Variants in TFCP2L1 observed in about 807,000 individuals in gnomAD.
The protein encoded by TFCP2L1 is transcription factor CP2-like protein 1.
A neutral mutation model predicts 72.2 loss-of-function variants in TFCP2L1; 12 were observed. That is an observed-to-expected ratio of 0.17 (90% CI 0.11 to 0.27). The LOEUF is 0.27. Among genes scored for constraint, TFCP2L1 ranks in the 10% least tolerant of loss-of-function variants. TFCP2L1 has a pLI of 1.00. For missense variants in TFCP2L1, 488 were observed against 624.6 expected (o/e 0.78, Z 2.33); for synonymous variants, 260 against 251.0 (o/e 1.04, Z -0.34).
chr2:121,260,356 C>T (rs976440962), intron 2 of TFCP2L1, among the ~76,000 whole-genome samples: 8 of 152,212 alleles, frequency 5.3e-5, no homozygotes, highest in Admixed American at 5.2e-4. Context: ...CTCAGCATTT[C>T]ACTCTCAACA....
At position 121,234,138 on chromosome 2, in the gene TFCP2L1, A is replaced by G; in HGVS notation, c.1151T>C (p.Val384Ala). The change falls in exon 12 of 15, where the codon GTG (valine) becomes GCG (alanine). Residue 384 changes from valine to alanine, a missense_variant. Val to Ala is a moderately conservative substitution (Grantham distance 64). Coordinates refer to ENST00000263707, the MANE Select transcript of TFCP2L1 (RefSeq NM_014553.3). ...GCCGTCCCGCTTCTGCTGCAGGGGC[A>G]CTCGATTCTGCTCCAGCTCCTGACA... ...YVCQELEQNR[V>A]PLQQKRDGSG... 6.2e-7 allele frequency: 1 copy of G among 1,614,028 alleles called. No individual in the cohort carries two copies. The highest frequency in any genetic ancestry group is 2.2e-5 in the East Asian group (1 of 44,868).
Position 121,220,042 on chromosome 2 carries a change from G to A in TFCP2L1, c.*4299C>T, listed in dbSNP as rs575150385. On this transcript the variant is annotated 3_prime_UTR_variant, in exon 15 of 15. Coordinates refer to ENST00000263707, the MANE Select transcript of TFCP2L1 (RefSeq NM_014553.3). ...CACTGCTTTCTCACCCCCTCTGAGC[G>A]CCTAGGGACTTTCTCCCTCTGCTCC... 9 of 140,434 alleles carry A rather than the reference G, an allele frequency of 6.4e-5. No homozygotes were observed. The highest frequency in any genetic ancestry group is 4.5e-4 in the South Asian group (2 of 4,458). 8.7% of individuals were successfully genotyped at this position (140,434 alleles called of 1,614,324 possible). A position where few individuals can be genotyped will look rare whatever the true frequency, so the allele number is the denominator to read the frequency against.
At chr2:121,230,544 G>C (rs113650320) in intron 13 of TFCP2L1, among the ~76,000 whole-genome samples, 3,029 of 152,240 alleles carry the variant, frequency 0.02, 111 homozygotes, top group African/African-American at 0.069. Context: ...ACTTTGGAAG[G>C]CCAAGGTGGG....
Position 121,249,570 on chromosome 2 carries a change from C to A in TFCP2L1, c.291+1G>T, listed in dbSNP as rs1408170183. On this transcript the variant is annotated splice_donor_variant, in intron 3 of 14. Transcript: ENST00000263707. LOFTEE classifies it high-confidence loss of function. ...CAATGAGAACAGCCTGTGAGGCTTA[C>A]CTTGACATATTTTGTGTTCAGATCT... is the stretch of plus-strand genomic sequence containing the variant. 1 of 1,614,056 alleles carries A rather than the reference C, an allele frequency of 6.2e-7. No homozygotes were observed. Among genetic ancestry groups the A allele is most frequent in the South Asian group, 1.1e-5 (1 of 91,080 alleles).
Position 121,223,489 on chromosome 2 carries a change from G to A in TFCP2L1, c.*852C>T, listed in dbSNP as rs1419093035. 2.6e-5 allele frequency: 4 copies of A among 152,264 alleles called. No individual in the cohort carries two copies. Among genetic ancestry groups the A allele is most frequent in the African/African-American group, 9.6e-5 (4 of 41,552 alleles). 9.4% of individuals were successfully genotyped at this position (152,264 alleles called of 1,614,324 possible). A position where few individuals can be genotyped will look rare whatever the true frequency, so the allele number is the denominator to read the frequency against. ...GAGGGCCTGGTATTGTGGTGGTCAA[G>A]GTCATCTGATGACACCTAGGAATGG... On this transcript the variant is annotated 3_prime_UTR_variant, in exon 15 of 15. Transcript: ENST00000263707.
At position 121,278,953 on chromosome 2, in the gene TFCP2L1, G is replaced by A. The variant is rs13387851; in HGVS notation, c.214+2167C>T. ...CAGGAGGCAGAGGTTGCAGTGAACC[G>A]AGATCGTGTCATTGCACTCCAGCCT... On this transcript the variant is annotated intron_variant, in intron 2 of 14. Coordinates refer to ENST00000263707, the MANE Select transcript of TFCP2L1 (RefSeq NM_014553.3). Among the ~76,000 whole-genome samples, 1,165 of 152,082 alleles carry A rather than the reference G, an allele frequency of 7.7e-3. 17 individuals are homozygous for A. The highest frequency in any genetic ancestry group is 0.026 in the African/African-American group (1,089 of 41,466).
chr2:121,275,227 A>C (rs1687121451), intron 2 of TFCP2L1, among the ~76,000 whole-genome samples: 1 of 151,950 alleles, frequency 6.6e-6, no homozygotes, highest in South Asian at 2.1e-4. Flanking sequence ...TACTAAAAAT[A>C]CAAACTGTTA....
At chr2:121,237,887 G>A (rs1176642450) in intron 8 of TFCP2L1, 37 bp from the exon 9 acceptor site, 3 of 1,610,860 alleles carry the variant, frequency 1.9e-6, no homozygotes. Context: ...GGACAGAGGG[G>A]GCTCCCAGGG....
At chr2:121,226,665 T>A (rs900143151) in intron 13 of TFCP2L1, among the ~76,000 whole-genome samples, 7 of 152,168 alleles carry the variant, frequency 4.6e-5, no homozygotes, top group Non-Finnish European at 8.8e-5. Flanking sequence ...TTCGATGAAC[T>A]ACCCAGTGAC....
chr2:121,249,580 T>C lies in TFCP2L1; in HGVS notation c.282A>G (p.Lys94=), dbSNP rs1402015276. ...KLGDFQDLNT[K]YVKSIIRVVF... is the part of the protein sequence containing the mutation. ...AGCCTGTGAGGCTTACCTTGACATA[T>C]TTTGTGTTCAGATCTTGAAAGTCTC... The change falls in exon 3 of 15, where the codon AAA becomes AAG. Residue 94 remains lysine, a synonymous_variant. Transcript: ENST00000263707. The C allele has an allele frequency of 1.2e-6, 2 of 1,614,148 alleles. No individual in the cohort carries two copies. Among genetic ancestry groups the C allele is most frequent in the Non-Finnish European group, 1.7e-6 (2 of 1,180,008 alleles).
intron 2 of TFCP2L1, among the ~76,000 whole-genome samples, chr2:121,257,931 A>T (rs1183885526): frequency 3.0e-4 from 46 of 152,198 alleles, no homozygotes; most frequent in Admixed American, 3.0e-3. Context: ...AGCTCTGAGA[A>T]CCGGCCCGCC....
At chr2:121,279,428 G>A (rs1279164055) in intron 2 of TFCP2L1, among the ~76,000 whole-genome samples, 1 of 152,186 alleles carries the variant, frequency 6.6e-6, no homozygotes, top group Non-Finnish European at 1.5e-5. Context: ...CTCCGGGCCT[G>A]AGCAGGAAGC....
chr2:121,231,758 C>A, intron 13 of TFCP2L1, 68 bp downstream of exon 13: 1 of 1,578,200 alleles, frequency 6.3e-7, no homozygotes. Context: ...GTTTCTGGGG[C>A]AGGGGTTCTG....
chr2:121,234,060 G>T lies in TFCP2L1; in HGVS notation c.1198+31C>A. 2.5e-6 allele frequency: 4 copies of T among 1,585,948 alleles called. 1 individual carries two copies. In the South Asian group the frequency reaches 4.4e-5, roughly 18 times the overall value. On this transcript the variant is annotated intron_variant, in intron 12 of 14. Transcript: ENST00000263707. ...AAAGCCAGGCTGCGGGACCCAATGT[G>T]TGGGTCCCAGCTCTGCTCCCCACAA...
chr2:121,245,343 C>T (rs1686459553), intron 6 of TFCP2L1, among the ~76,000 whole-genome samples: 1 of 152,184 alleles, frequency 6.6e-6, no homozygotes, highest in South Asian at 2.1e-4. Context: ...CAGTGAGGAC[C>T]ATTTCAGACT....
chr2:121,272,656 C>G (rs909364997), intron 2 of TFCP2L1, among the ~76,000 whole-genome samples: 2 of 152,192 alleles, frequency 1.3e-5, no homozygotes, highest in East Asian at 3.8e-4. Flanking sequence ...ACTCGATGAC[C>G]TTGTTAACTT....
intron 2 of TFCP2L1, among the ~76,000 whole-genome samples, chr2:121,263,150 G>T (rs1007104180): frequency 2.0e-5 from 3 of 152,114 alleles, no homozygotes; most frequent in African/African-American, 7.2e-5. Context: ...GATCAGGCTG[G>T]TCTCGAACTT....
At chr2:121,248,543 G>A (rs1686536720) in intron 4 of TFCP2L1, among the ~76,000 whole-genome samples, 1 of 152,076 alleles carries the variant, frequency 6.6e-6, no homozygotes, top group Non-Finnish European at 1.5e-5. Flanking sequence ...TGATGCTCTG[G>A]GTACACACAT....
At position 121,251,757 on chromosome 2, in the gene TFCP2L1, G is replaced by A. The variant is rs377279326; in HGVS notation, c.215-2110C>T. On this transcript the variant is annotated intron_variant, in intron 2 of 14. Coordinates refer to ENST00000263707, the MANE Select transcript of TFCP2L1 (RefSeq NM_014553.3). ...GATTCAACCAATGTACAATGGATAC[G>A]TATATCAAAACATCATGTTGCACAT... 4.6e-5 allele frequency among the ~76,000 whole-genome samples: 7 copies of A among 152,298 alleles called. No homozygotes were observed. The South Asian group carries it at 6.2e-4, about 14-fold the overall frequency.
Sources: gnomAD v4.1 joint callset for allele counts (sites outside exome capture counted in the v4.1 genomes callset) on GRCh38, gnomAD v4.1.1 for gene constraint, MANE v1.5 for transcripts, NCBI Gene and HGNC (gene_info 2026-07-23, HGNC 2026-07-21) for gene names.